PTPRG: variants seen among roughly 807,000 people sequenced by gnomAD.
The protein encoded by PTPRG is protein tyrosine phosphatase receptor type G, also known as receptor-type tyrosine-protein phosphatase gamma.
Under a neutral mutation model 165.3 loss-of-function variants are expected in PTPRG, and 102 were observed. That is an observed-to-expected ratio of 0.62 (90% CI 0.53 to 0.73). The LOEUF (loss-of-function observed/expected upper bound fraction) is 0.73, where lower values mean the gene tolerates loss of function less well. Ranked by LOEUF, PTPRG falls within the 30% of genes least tolerant of loss-of-function variation. The pLI, the probability that PTPRG is intolerant of heterozygous loss-of-function variation, is 0.00. For synonymous variants in PTPRG, 675 were observed against 669.5 expected, an observed-to-expected ratio of 1.01 and a Z score of -0.13; for missense variants, 1,866 against 1,861.4, an observed-to-expected ratio of 1.00 and a Z score of -0.05.
At position 61,760,599 on chromosome 3, in the gene PTPRG, G is replaced by GT. The variant is rs1245045985; in HGVS notation, c.190+11624dup. Among the ~76,000 whole-genome samples the GT allele has an allele frequency of 5.9e-5, 9 of 152,180 alleles. No homozygotes were observed. The South Asian group carries it at 8.3e-4, about 14-fold the overall frequency. On this transcript the variant is annotated intron_variant, in intron 2 of 29. Coordinates refer to ENST00000474889, the MANE Select transcript of PTPRG (RefSeq NM_002841.4). ...ATTATACTCTGCAACCCATTCCTTT[G>GT]TTTTTTTACATTTTATTTTAAGTTC...
At chr3:61,758,972 T>C (rs1327928981) in intron 2 of PTPRG, among the ~76,000 whole-genome samples, 1 of 152,230 alleles carries the variant, frequency 6.6e-6, no homozygotes, top group East Asian at 1.9e-4. Flanking sequence ...AAGTATAATC[T>C]TGTCCCTATG....
intron 29 of PTPRG, 23 bp from the exon 30 acceptor site, chr3:62,293,138 A>T: frequency 1.3e-6 from 2 of 1,535,286 alleles, no homozygotes; most frequent in Non-Finnish European, 1.7e-6. Context: ...TTTGGCTCAA[A>T]CTGTCTTCCT....
intron 8 of PTPRG, among the ~76,000 whole-genome samples, chr3:62,184,518 T>C (rs978899033): frequency 3.9e-5 from 6 of 152,130 alleles, no homozygotes; most frequent in Non-Finnish European, 7.3e-5. Flanking sequence ...TATTTGAAGG[T>C]GATAAAGAAA....
Position 62,296,165 on chromosome 3 carries a change from ATCT to A in PTPRG, c.*2863_*2865del, listed in dbSNP as rs946134034. 3 of 152,070 alleles carry A rather than the reference ATCT, an allele frequency of 2.0e-5. No homozygotes were observed. Among genetic ancestry groups the A allele is most frequent in the Non-Finnish European group, 4.4e-5 (3 of 67,980 alleles). 9.4% of individuals were successfully genotyped at this position (152,070 alleles called of 1,614,324 possible). ...CTTTCTTATATGCGATAGCCAAGAT[ATCT>A]TCTTTAATATGAAAAAAGTTAATTT... On this transcript the variant is annotated 3_prime_UTR_variant, in exon 30 of 30. Coordinates refer to ENST00000474889, the MANE Select transcript of PTPRG (RefSeq NM_002841.4).
chr3:61,923,739 C>A (rs1276118114), intron 2 of PTPRG, among the ~76,000 whole-genome samples: 1 of 139,490 alleles, frequency 7.2e-6, no homozygotes, highest in African/African-American at 2.7e-5. Context: ...CCATGTTGCA[C>A]AGGCTGGTCT....
intron 1 of PTPRG, among the ~76,000 whole-genome samples, chr3:61,574,643 T>C (rs1240627506): frequency 6.6e-6 from 1 of 152,212 alleles, no homozygotes; most frequent in Non-Finnish European, 1.5e-5. Context: ...CTAGAGGTCT[T>C]AGTCCATTTT....
chr3:62,037,669 T>C (rs1699991815), intron 4 of PTPRG, among the ~76,000 whole-genome samples: 1 of 152,154 alleles, frequency 6.6e-6, no homozygotes, highest in African/African-American at 2.4e-5. Flanking sequence ...ATTAATCTGC[T>C]CCTACTGCCA....
intron 1 of PTPRG, among the ~76,000 whole-genome samples, chr3:61,688,102 C>A (rs1559557784): frequency 6.6e-6 from 1 of 152,300 alleles, no homozygotes; most frequent in East Asian, 1.9e-4. Flanking sequence ...GACCTTGGCT[C>A]TGTTGAGGTG....
intron 2 of PTPRG, among the ~76,000 whole-genome samples, chr3:61,776,996 G>A (rs755336907): frequency 3.3e-5 from 5 of 152,074 alleles, no homozygotes; most frequent in Non-Finnish European, 7.4e-5. Flanking sequence ...TGTGGGGGTC[G>A]AGGTTCAAGT....
intron 28 of PTPRG, among the ~76,000 whole-genome samples, chr3:62,285,467 ATTTGG>A (rs1702608924): frequency 1.8e-5 from 2 of 113,910 alleles, no homozygotes; most frequent in Admixed American, 1.4e-4. Context: ...TGTGACATCT[ATTTGG>A]TCTTCATAGA....
intron 4 of PTPRG, among the ~76,000 whole-genome samples, chr3:62,006,376 A>G (rs2041299301): frequency 6.6e-6 from 1 of 152,186 alleles, no homozygotes; most frequent in Admixed American, 6.5e-5. Context: ...ATTTTATGTT[A>G]AGTTGCTTTA....
chr3:61,636,780 T>C (rs1190656917), intron 1 of PTPRG, among the ~76,000 whole-genome samples: 2 of 151,500 alleles, frequency 1.3e-5, no homozygotes, highest in Admixed American at 1.3e-4. Flanking sequence ...TTTCAAATGC[T>C]TTTTTTTTGT....
In PTPRG at chr3:62,240,428, C is replaced by G. The variant is rs1413200407; in HGVS notation, c.2376-3379C>G. On this transcript the variant is annotated intron_variant, in intron 14 of 29. Transcript: ENST00000474889. This position sits in a 1 kb window ranked among gnomAD's most constrained non-coding sequence, Gnocchi z 5.1. The stretch of plus-strand genomic sequence containing the variant: ...ATTTGGGTGAGACTATAATAATAGC[C>G]CACAGATTGATCTCCTTGTTCCATT... Among the ~76,000 whole-genome samples the G allele has an allele frequency of 2.0e-5, 3 of 152,102 alleles. No individual in the cohort carries two copies. Among genetic ancestry groups the G allele is most frequent in the African/African-American group, 7.2e-5 (3 of 41,414 alleles).
intron 1 of PTPRG, among the ~76,000 whole-genome samples, chr3:61,693,727 C>T (rs115765115): frequency 3.4e-4 from 52 of 152,108 alleles, no homozygotes; most frequent in African/African-American, 1.2e-3. Flanking sequence ...GGCTTTAGGC[C>T]GGGTGCAGCG....
intron 5 of PTPRG, among the ~76,000 whole-genome samples, chr3:62,123,431 T>C (rs901756059): frequency 3.9e-5 from 6 of 152,204 alleles, no homozygotes; most frequent in Admixed American, 3.9e-4. Flanking sequence ...TATTTTTGAC[T>C]TCAGACATGT....
At chr3:61,737,233 T>C (rs2032754328) in intron 1 of PTPRG, among the ~76,000 whole-genome samples, 1 of 152,200 alleles carries the variant, frequency 6.6e-6, no homozygotes, top group Non-Finnish European at 1.5e-5. Context: ...GTATTCTCTG[T>C]GGCTGTATCA....
At chr3:61,734,962 A>G (rs1198737224) in intron 1 of PTPRG, among the ~76,000 whole-genome samples, 1 of 152,232 alleles carries the variant, frequency 6.6e-6, no homozygotes, top group Non-Finnish European at 1.5e-5. Flanking sequence ...TGGATCTTAT[A>G]GCATAATTGG....
intron 2 of PTPRG, among the ~76,000 whole-genome samples, chr3:61,979,741 C>G (rs905101412): frequency 6.6e-6 from 1 of 152,080 alleles, no homozygotes; most frequent in Non-Finnish European, 1.5e-5. Flanking sequence ...TGCTTTATGT[C>G]TAGACATTTC....
At chr3:62,058,518 C>T (rs1203677684) in intron 4 of PTPRG, among the ~76,000 whole-genome samples, 3 of 152,098 alleles carry the variant, frequency 2.0e-5, no homozygotes, top group South Asian at 4.2e-4. Flanking sequence ...TTGTCATCCC[C>T]CTCCCCCTCA....
Sources: gnomAD v4.1 joint callset for allele counts (sites outside exome capture counted in the v4.1 genomes callset) on GRCh38, gnomAD v4.1.1 for gene constraint, Gnocchi (gnomAD v3.1) non-coding constraint, MANE v1.5 for transcripts, NCBI Gene and HGNC (gene_info 2026-07-23, HGNC 2026-07-21) for gene names.